Variants in FBXL17 observed in about 807,000 individuals in gnomAD.
FBXL17 encodes F-box and leucine rich repeat protein 17, also known as F-box/LRR-repeat protein 17.
In FBXL17, 22 loss-of-function variants were observed where a neutral mutation model predicts 66.2. The observed-to-expected ratio is 0.33, with a 90% CI of 0.24 to 0.47. The LOEUF (loss-of-function observed/expected upper bound fraction) is 0.47, where lower values mean the gene tolerates loss of function less well. FBXL17 is among the 20% of genes least tolerant of loss of function. FBXL17 has a pLI of 1.00. For missense variants in FBXL17, 878 were observed against 948.2 expected (o/e 0.93, Z 0.97); for synonymous variants, 474 against 400.5 (o/e 1.18, Z -2.19).
At chr5:107,889,261 A>G (rs1749112750) in intron 7 of FBXL17, among the ~76,000 whole-genome samples, 1 of 152,190 alleles carries the variant, frequency 6.6e-6, no homozygotes, top group South Asian at 2.1e-4. Context: ...ACACCAGATA[A>G]TTTCCCATGT....
At chr5:107,961,143 C>T (rs918213139) in intron 7 of FBXL17, among the ~76,000 whole-genome samples, 6 of 152,116 alleles carry the variant, frequency 3.9e-5, no homozygotes, top group African/African-American at 1.4e-4. Flanking sequence ...GAAGCACAGA[C>T]ATGGGAACTT....
At position 108,207,159 on chromosome 5, in the gene FBXL17, ATCT is replaced by A. The variant is rs1438220616; in HGVS notation, c.1614+16959_1614+16961del. Among the ~76,000 whole-genome samples the A allele has an allele frequency of 7.2e-5, 11 of 152,218 alleles. No homozygotes were observed. The East Asian group carries it at 1.9e-3, about 27-fold the overall frequency. On this transcript the variant is annotated intron_variant, in intron 5 of 8. Coordinates refer to ENST00000542267, the MANE Select transcript of FBXL17 (RefSeq NM_001163315.3). ...GTGGTCTCCCCGACCCCCTCAAAAT[ATCT>A]TCTTGTTTTGTACTTTGGGTAACTG...
intron 7 of FBXL17, among the ~76,000 whole-genome samples, chr5:108,002,027 A>AT (rs1753748907): frequency 6.6e-6 from 1 of 151,674 alleles, no homozygotes; most frequent in Non-Finnish European, 1.5e-5. Context: ...TCTCTTGTAG[A>AT]TTTTTTTGAG....
intron 7 of FBXL17, among the ~76,000 whole-genome samples, chr5:107,977,455 T>C (rs2112661995): frequency 6.6e-6 from 1 of 152,292 alleles, no homozygotes; most frequent in African/African-American, 2.4e-5. Context: ...AAACTGGGGC[T>C]CGGAAAAGGT....
chr5:108,223,299 GT>G (rs1357681631), intron 5 of FBXL17, among the ~76,000 whole-genome samples: 2 of 151,976 alleles, frequency 1.3e-5, no homozygotes, highest in Non-Finnish European at 2.9e-5. Context: ...ATCTTACCTG[GT>G]TTTTTTCATC....
At chr5:108,142,978 T>TATAATAATAATAATAATAATAATAATA (rs10623997) in intron 6 of FBXL17, among the ~76,000 whole-genome samples, 18 of 145,070 alleles carry the variant, frequency 1.2e-4, no homozygotes, top group Admixed American at 2.8e-4. Context: ...GAACATAAAG[T>TATAATAATAATAATAATAATAATAATA]ATAATAATAA....
chr5:108,004,940 T>C (rs941100734), intron 7 of FBXL17, among the ~76,000 whole-genome samples: 6 of 152,092 alleles, frequency 3.9e-5, no homozygotes, highest in Non-Finnish European at 7.4e-5. Flanking sequence ...CCTAAGAAAT[T>C]AGATAATAGA....
intron 7 of FBXL17, among the ~76,000 whole-genome samples, chr5:107,926,092 G>A (rs1409130662): frequency 6.6e-6 from 1 of 152,158 alleles, no homozygotes; most frequent in East Asian, 1.9e-4. Context: ...TAGTACTGAA[G>A]GCACAGACTT....
At chr5:108,153,130 C>A (rs1751834009) in intron 6 of FBXL17, among the ~76,000 whole-genome samples, 1 of 152,124 alleles carries the variant, frequency 6.6e-6, no homozygotes, top group South Asian at 2.1e-4. Flanking sequence ...TGAGGCCTCC[C>A]CAGCCATGTG....
chr5:107,932,132 G>A (rs1561326786), intron 7 of FBXL17, among the ~76,000 whole-genome samples: 1 of 152,158 alleles, frequency 6.6e-6, no homozygotes, highest in African/African-American at 2.4e-5. Context: ...CTTCTTAGAA[G>A]AAGGATTTTT....
intron 4 of FBXL17, among the ~76,000 whole-genome samples, chr5:108,302,910 T>A (rs947778543): frequency 3.3e-5 from 5 of 151,854 alleles, no homozygotes; most frequent in Non-Finnish European, 7.4e-5. Flanking sequence ...AATGAATATG[T>A]AATTCAATAC....
intron 7 of FBXL17, among the ~76,000 whole-genome samples, chr5:108,008,768 C>A (rs1754033853): frequency 6.6e-6 from 1 of 152,044 alleles, no homozygotes; most frequent in Admixed American, 6.6e-5. Context: ...AGAGACACAT[C>A]TCTGGACTTC....
chr5:108,351,578 G>C (rs1037202514), intron 3 of FBXL17, among the ~76,000 whole-genome samples: 1 of 152,178 alleles, frequency 6.6e-6, no homozygotes, highest in Non-Finnish European at 1.5e-5. Context: ...CCTAGTCAAT[G>C]ACTAGTCAGT....
At chr5:107,980,776 C>A (rs1295088798) in intron 7 of FBXL17, among the ~76,000 whole-genome samples, 1 of 148,142 alleles carries the variant, frequency 6.8e-6, no homozygotes, top group African/African-American at 2.5e-5. Flanking sequence ...CCTGCCTCAG[C>A]CTCCTGAGTA....
intron 6 of FBXL17, among the ~76,000 whole-genome samples, chr5:108,178,191 C>T (rs151229159): frequency 2.6e-4 from 40 of 151,942 alleles, no homozygotes; most frequent in African/African-American, 8.9e-4. Flanking sequence ...TCAACAGGCA[C>T]GTGCCATCAT....
intron 7 of FBXL17, among the ~76,000 whole-genome samples, chr5:107,935,851 T>C (rs946702932): frequency 6.6e-6 from 1 of 152,066 alleles, no homozygotes; most frequent in African/African-American, 2.4e-5. Flanking sequence ...TGTATCACCA[T>C]AGCAACCTGA....
rs1167857130 is a variant in FBXL17, at chr5:108,184,160, C to A, written c.1745+1957G>T. 5.9e-5 allele frequency among the ~76,000 whole-genome samples: 9 copies of A among 152,118 alleles called. No homozygotes were observed. The East Asian group carries it at 1.6e-3, about 26-fold the overall frequency. On this transcript the variant is annotated intron_variant, in intron 6 of 8. Transcript: ENST00000542267. ...CAGGCACGGTGGCTTATGGCTCATG[C>A]CTATAATCCCAGCACTTTGGGAGAT...
chr5:108,037,821 T>A (rs554286785), intron 6 of FBXL17, among the ~76,000 whole-genome samples: 30 of 152,320 alleles, frequency 2.0e-4, no homozygotes, highest in Admixed American at 1.8e-3. Flanking sequence ...ATTACTTGAA[T>A]TAAATTTTCC....
intron 3 of FBXL17, among the ~76,000 whole-genome samples, chr5:108,362,162 T>C (rs1241681913): frequency 1.3e-5 from 2 of 152,126 alleles, no homozygotes; most frequent in African/African-American, 4.8e-5. Flanking sequence ...GTACTCTAAG[T>C]AGTTATTTTT....
Sources: gnomAD v4.1 joint callset for allele counts (sites outside exome capture counted in the v4.1 genomes callset) on GRCh38, gnomAD v4.1.1 for gene constraint, MANE v1.5 for transcripts, NCBI Gene and HGNC (gene_info 2026-07-23, HGNC 2026-07-21) for gene names.